PRUNE2: variants seen among roughly 807,000 people sequenced by gnomAD.
The protein encoded by PRUNE2 is protein prune homolog 2.
Under a neutral mutation model 252.0 loss-of-function variants are expected in PRUNE2, and 164 were observed. The ratio of observed to expected loss-of-function variants is 0.65; its 90% confidence interval spans 0.57 to 0.74. The LOEUF (loss-of-function observed/expected upper bound fraction) is 0.74. PRUNE2 is among the 30% of genes least tolerant of loss of function. PRUNE2 has a pLI of 0.00. For synonymous variants in PRUNE2, 1,292 were observed against 1,350.2 expected (o/e 0.96, Z 0.94); for missense variants, 3,495 against 3,711.0 (o/e 0.94, Z 1.51).
At chr9:76,874,252 G>A (rs1175185121) in intron 1 of PRUNE2, among the ~76,000 whole-genome samples, 2 of 152,184 alleles carry the variant, frequency 1.3e-5, no homozygotes, top group East Asian at 1.9e-4. Context: ...AATTTTTAAT[G>A]AGGCTAAGTC....
intron 1 of PRUNE2, among the ~76,000 whole-genome samples, chr9:76,875,838 C>G (rs2061446736): frequency 6.6e-6 from 1 of 152,200 alleles, no homozygotes; most frequent in African/African-American, 2.4e-5. Context: ...ATCTATGTCC[C>G]TTTGACACGT....
At chr9:76,838,816 C>T (rs766731776) in intron 4 of PRUNE2, among the ~76,000 whole-genome samples, 1 of 152,104 alleles carries the variant, frequency 6.6e-6, no homozygotes, top group Non-Finnish European at 1.5e-5. Context: ...TGGGAAGGAG[C>T]ACCAAAAGGT....
At chr9:76,773,651 C>A (rs1406119965) in intron 6 of PRUNE2, among the ~76,000 whole-genome samples, 1 of 152,064 alleles carries the variant, frequency 6.6e-6, no homozygotes, top group African/African-American at 2.4e-5. Flanking sequence ...GCCATGTTGG[C>A]CAGGCTGGTC....
intron 9 of PRUNE2, among the ~76,000 whole-genome samples, chr9:76,680,766 G>A (rs1002095947): frequency 6.6e-6 from 1 of 152,170 alleles, no homozygotes; most frequent in Non-Finnish European, 1.5e-5. Context: ...CATGGCTGGG[G>A]AGGCCTCAGG....
intron 6 of PRUNE2, among the ~76,000 whole-genome samples, chr9:76,731,276 CTCTCTCTATCTA>C (rs1334279831): frequency 6.3e-5 from 5 of 79,672 alleles, no homozygotes; most frequent in South Asian, 3.8e-4. Flanking sequence ...CATATATTCC[CTCTCTCTATCTA>C]TCTATCTATC....
chr9:76,636,972 AAT>A (rs140518843), intron 14 of PRUNE2, among the ~76,000 whole-genome samples: 8,545 of 131,438 alleles, frequency 0.065, 626 homozygotes, highest in African/African-American at 0.2. Context: ...CAACAACAAA[AAT>A]GTGTGTGTGT....
intron 6 of PRUNE2, among the ~76,000 whole-genome samples, chr9:76,791,763 C>A (rs767122833): frequency 6.6e-6 from 1 of 152,090 alleles, no homozygotes; most frequent in Admixed American, 6.6e-5. Flanking sequence ...TCAAGGAGTA[C>A]AATGGATTTG....
At chr9:76,753,808 C>T (rs2050849499) in intron 6 of PRUNE2, among the ~76,000 whole-genome samples, 1 of 151,866 alleles carries the variant, frequency 6.6e-6, no homozygotes, top group South Asian at 2.1e-4. Flanking sequence ...GTCCCAGCTA[C>T]TCGGGAGGCT....
At chr9:76,664,288 G>T (rs1447794321) in intron 9 of PRUNE2, among the ~76,000 whole-genome samples, 1 of 152,288 alleles carries the variant, frequency 6.6e-6, no homozygotes, top group Admixed American at 6.5e-5. Flanking sequence ...ATGTGGCAAG[G>T]AACTGAGGCT....
At chr9:76,636,974 T>A (rs1314402359) in intron 14 of PRUNE2, among the ~76,000 whole-genome samples, 3 of 105,174 alleles carry the variant, frequency 2.9e-5, no homozygotes, top group African/African-American at 1.2e-4. Context: ...ACAACAAAAA[T>A]GTGTGTGTGT....
intron 6 of PRUNE2, among the ~76,000 whole-genome samples, chr9:76,744,175 C>T (rs530913201): frequency 1.3e-5 from 2 of 152,300 alleles, no homozygotes; most frequent in African/African-American, 4.8e-5. Flanking sequence ...GATGCGTCTC[C>T]TATGTCAAGT....
intron 1 of PRUNE2, among the ~76,000 whole-genome samples, chr9:76,887,178 T>C (rs889128148): frequency 3.3e-5 from 5 of 152,174 alleles, no homozygotes; most frequent in Admixed American, 2.0e-4. Flanking sequence ...TTCACCTAGC[T>C]TCCCCAAACT....
At chr9:76,650,110 G>C (rs1314817798) in intron 11 of PRUNE2, among the ~76,000 whole-genome samples, 1 of 151,950 alleles carries the variant, frequency 6.6e-6, no homozygotes, top group Non-Finnish European at 1.5e-5. Context: ...CAGGAACTAA[G>C]GGCAACAATG....
intron 1 of PRUNE2, among the ~76,000 whole-genome samples, chr9:76,871,917 C>T (rs2061222485): frequency 6.8e-6 from 1 of 146,752 alleles, no homozygotes; most frequent in African/African-American, 2.8e-5. Flanking sequence ...GTGTGAGCTA[C>T]CACGTCCAGC....
chr9:76,695,171 G>A lies in PRUNE2; in HGVS notation c.8276+8166C>T, dbSNP rs374044919. On this transcript the variant is annotated intron_variant, in intron 9 of 18. Transcript: ENST00000376718. ...CTGCCTCAGCCTCCCAAGTAGCTGG[G>A]ATTACAGGTGTGTGCCACCACGCCT... 5.3e-5 allele frequency among the ~76,000 whole-genome samples: 8 copies of A among 152,270 alleles called. No individual in the cohort carries two copies. The South Asian group carries it at 1.4e-3, about 28-fold the overall frequency.
At chr9:76,716,270 C>T (rs915052529) in intron 6 of PRUNE2, among the ~76,000 whole-genome samples, 1 of 152,188 alleles carries the variant, frequency 6.6e-6, no homozygotes, top group Non-Finnish European at 1.5e-5. Flanking sequence ...CCTCGATGGA[C>T]TCAAGTCCAA....
intron 9 of PRUNE2, among the ~76,000 whole-genome samples, chr9:76,677,764 T>G (rs2042859276): frequency 6.6e-6 from 1 of 152,150 alleles, no homozygotes; most frequent in Non-Finnish European, 1.5e-5. Context: ...GTGACTTTCC[T>G]GGAGAAGTCC....
At chr9:76,696,985 C>T (rs1307956633) in intron 9 of PRUNE2, among the ~76,000 whole-genome samples, 1 of 152,230 alleles carries the variant, frequency 6.6e-6, no homozygotes, top group African/African-American at 2.4e-5. Context: ...CCTCCATCTT[C>T]GTAAATACTC....
intron 6 of PRUNE2, chr9:76,788,312 C>T (rs1373136220): frequency 1.4e-5 from 9 of 633,820 alleles, no homozygotes; most frequent in East Asian, 8.2e-5. Flanking sequence ...CATCTCTTAC[C>T]GTGGCTAGAG....
Sources: gnomAD v4.1 joint callset for allele counts (sites outside exome capture counted in the v4.1 genomes callset) on GRCh38, gnomAD v4.1.1 for gene constraint, MANE v1.5 for transcripts, NCBI Gene and HGNC (gene_info 2026-07-23, HGNC 2026-07-21) for gene names.